C5orf22: variants seen among roughly 807,000 people sequenced by gnomAD.
C5orf22 encodes chromosome 5 open reading frame 22.
C5orf22 carries 36 observed loss-of-function variants against 48.7 expected under a neutral mutation model. The ratio of observed to expected loss-of-function variants is 0.74; its 90% CI spans 0.57 to 0.98. C5orf22 has a LOEUF of 0.98. Among genes scored for constraint, C5orf22 ranks in the 50% least tolerant of loss-of-function variants. C5orf22 has a pLI of 0.00. For synonymous variants in C5orf22, 141 were observed against 180.8 expected (o/e 0.78, Z 1.76); for missense variants, 486 against 521.9 (o/e 0.93, Z 0.67).
At chr5:31,543,401 CTACAAAAAAA>C (rs896427309) in intron 6 of C5orf22, among the ~76,000 whole-genome samples, 3 of 151,976 alleles carry the variant, frequency 2.0e-5, no homozygotes, top group East Asian at 1.9e-4. Context: ...AATCCTGTCT[CTACAAAAAAA>C]TACAAAAAAT....
chr5:31,534,180 G>A lies in C5orf22; in HGVS notation c.82-92G>A, dbSNP rs73747444. ...AGCAACATAGTATGCTTTCAATTATGTGCATTATTTAGCATTGTTTTTCAG... is the reference window on the plus strand; with the variant it reads ...AGCAACATAGTATGCTTTCAATTATATGCATTATTTAGCATTGTTTTTCAG... On this transcript the variant is annotated intron_variant, in intron 1 of 8. Coordinates refer to ENST00000325366, the MANE Select transcript of C5orf22 (RefSeq NM_018356.3). 1.5e-4 allele frequency: 165 copies of A among 1,085,180 alleles called. No homozygotes were observed. The African/African-American group carries it at 2.0e-3, about 13-fold the overall frequency. 67.2% of individuals were successfully genotyped at this position (1,085,180 alleles called of 1,614,324 possible).
rs372673202 is a variant in C5orf22 at position 31,535,728 on chromosome 5, T to C, written c.228-16T>C. 9.2e-5 allele frequency: 145 copies of C among 1,568,700 alleles called. No individual in the cohort carries two copies. The African/African-American group carries it at 1.8e-3, about 19-fold the overall frequency. On this transcript the variant is annotated splice_polypyrimidine_tract_variant and intron_variant, in intron 2 of 8. Transcript: ENST00000325366. ...AAAATAAAAGTTTTAATGTTGTCTC[T>C]ATGTTTCTTTTCCAGAGAATTAAGT...
At chr5:31,537,211 C>G (rs1742149836) in intron 3 of C5orf22, among the ~76,000 whole-genome samples, 1 of 152,170 alleles carries the variant, frequency 6.6e-6, no homozygotes, top group Non-Finnish European at 1.5e-5. Context: ...ACATTTGAAA[C>G]TCCACGTGTG....
Position 31,553,000 on chromosome 5 carries a change from A to G in C5orf22, c.*98A>G. 1 of 1,052,810 alleles carries G rather than the reference A, an allele frequency of 9.5e-7. No individual in the cohort carries two copies. Among genetic ancestry groups the G allele is most frequent in the Non-Finnish European group, 1.4e-6 (1 of 729,762 alleles). 65.2% of individuals were successfully genotyped at this position (1,052,810 alleles called of 1,614,324 possible). ...AGTCTTCCAGAGAACACTGTTTTAT[A>G]TTAACTTTCAGTTGAAATCTTTCAG... On this transcript the variant is annotated 3_prime_UTR_variant, in exon 9 of 9. Transcript: ENST00000325366.
intron 7 of C5orf22, among the ~76,000 whole-genome samples, chr5:31,546,456 A>G (rs112831789): frequency 0.031 from 4,717 of 152,282 alleles, 266 homozygotes; most frequent in African/African-American, 0.11. Context: ...GTTTGACTAA[A>G]GTTGAAGTAT....
chr5:31,540,323 C>T (rs571700822), intron 4 of C5orf22, among the ~76,000 whole-genome samples: 1 of 152,212 alleles, frequency 6.6e-6, no homozygotes, highest in African/African-American at 2.4e-5. Flanking sequence ...GCCAGGTGTA[C>T]CCACCTATAT....
chr5:31,537,709 A>AT (rs1445649559), intron 3 of C5orf22, among the ~76,000 whole-genome samples: 1 of 152,174 alleles, frequency 6.6e-6, no homozygotes, highest in Non-Finnish European at 1.5e-5. Context: ...TCCAGATGAA[A>AT]TTTTTCTCTT....
Position 31,538,395 on chromosome 5 carries a change from C to T in C5orf22, c.513C>T (p.Asn171=), listed in dbSNP as rs140357819. Residue 171 remains asparagine (N), a synonymous_variant, in exon 4 of 9, where the codon AAC becomes AAT. Transcript: ENST00000325366. ...AACTCTGTAACAATCAAGAAGAAAACGATGCAGTGTCTTCTGCTAAGAAAC... is the reference window on the plus strand; with the variant it reads ...AACTCTGTAACAATCAAGAAGAAAATGATGCAGTGTCTTCTGCTAAGAAAC... ...PYKLCNNQEE[N]DAVSSAKKPK... 12 of 1,613,954 alleles carry T rather than the reference C, an allele frequency of 7.4e-6. No homozygotes were observed. Among genetic ancestry groups the T allele is most frequent in the Admixed American group, 3.3e-5 (2 of 59,982 alleles).
rs16901275 is a variant in C5orf22, at chr5:31,552,724, G to A, written c.1200-49G>A. 3.0e-3 allele frequency: 4,668 copies of A among 1,558,090 alleles called. 130 individuals are homozygous for A. In the African/African-American group the frequency reaches 0.055, roughly 18 times the overall value. On this transcript the variant is annotated intron_variant, in intron 8 of 8. Transcript: ENST00000325366. Reference sequence around the variant, plus strand: ...CACATGCAGCTTTTCCTCACAGTATGATTTTATCCTATGTGTATTTTTCTT... The same window carrying A: ...CACATGCAGCTTTTCCTCACAGTATAATTTTATCCTATGTGTATTTTTCTT...
rs377752655 is a variant in C5orf22 at position 31,552,924 on chromosome 5, C to T, written c.*22C>T. 579 of 1,610,220 alleles carry T rather than the reference C, an allele frequency of 3.6e-4. 4 individuals carry two copies. The South Asian group carries it at 5.9e-3, about 16-fold the overall frequency. Reference sequence around the variant, plus strand: ...TTGAAACAAACAAAACATTAGGCTCCTGTTGTATCTTGGTTTAGTAACAGG... The same window carrying T: ...TTGAAACAAACAAAACATTAGGCTCTTGTTGTATCTTGGTTTAGTAACAGG... On this transcript the variant is annotated 3_prime_UTR_variant, in exon 9 of 9. Transcript: ENST00000325366.
intron 1 of C5orf22, among the ~76,000 whole-genome samples, chr5:31,533,263 T>TA (rs5867085): frequency 0.48 from 70,677 of 146,724 alleles, 16,914 homozygotes; most frequent in Non-Finnish European, 0.54. Context: ...CCATATTGCG[T>TA]AAAAAAAAAA....
rs1300533849 is a variant in C5orf22 at position 31,535,901 on chromosome 5, C to T, written c.377+8C>T. ...TTCTACCACAACAATCAGGTAATTT[C>T]CTCATATTTGTGAATATGGAAGTGA... On this transcript the variant is annotated splice_region_variant and intron_variant, in intron 3 of 8. Coordinates refer to ENST00000325366, the MANE Select transcript of C5orf22 (RefSeq NM_018356.3). 3 of 1,609,466 alleles carry T rather than the reference C, an allele frequency of 1.9e-6. No homozygotes were observed. The African/African-American group carries it at 4.0e-5, about 22-fold the overall frequency.
At chr5:31,535,123 G>A (rs1346804664) in intron 2 of C5orf22, 17 of 392,530 alleles carry the variant, frequency 4.3e-5, no homozygotes, top group South Asian at 1.8e-4. Context: ...TTGATAGTGC[G>A]CCAAAACTTG....
At chr5:31,549,877 A>C (rs951694329) in intron 7 of C5orf22, among the ~76,000 whole-genome samples, 2 of 152,236 alleles carry the variant, frequency 1.3e-5, no homozygotes, top group Non-Finnish European at 2.9e-5. Context: ...GTCAAATTTA[A>C]AAAGAGAAAG....
intron 6 of C5orf22, 98 bp downstream of exon 6, chr5:31,541,500 A>ACTACTTT: frequency 6.8e-6 from 9 of 1,333,326 alleles, no homozygotes; most frequent in Non-Finnish European, 9.4e-6. Flanking sequence ...AAAAAGTAGT[A>ACTACTTT]TTCAGCTACT....
At chr5:31,534,518 G>T in intron 2 of C5orf22, 101 bp downstream of exon 2, 1 of 1,093,428 alleles carries the variant, frequency 9.1e-7, no homozygotes, top group Middle Eastern at 2.3e-4. Flanking sequence ...TCATGGGTTT[G>T]GGGGTTTTTT....
At chr5:31,539,949 G>A (rs543985201) in intron 4 of C5orf22, among the ~76,000 whole-genome samples, 1 of 152,128 alleles carries the variant, frequency 6.6e-6, no homozygotes, top group Non-Finnish European at 1.5e-5. Flanking sequence ...TACTCAGGAG[G>A]CTGAGATGGG....
intron 2 of C5orf22, 56 bp from the exon 3 acceptor site, chr5:31,535,688 A>C (rs1453821886): frequency 7.2e-7 from 1 of 1,392,524 alleles, no homozygotes; most frequent in Non-Finnish European, 9.7e-7. Context: ...ATAAAATTAC[A>C]CTTGGGAAAA....
At position 31,554,344 on chromosome 5, in the gene C5orf22, A is replaced by T. The variant is rs1015805054; in HGVS notation, c.*1442A>T. ...TTTGTGCTAATAACGAAGGACACAC[A>T]TTATCATTGCCTCACAGTGGATGGC... On this transcript the variant is annotated 3_prime_UTR_variant, in exon 9 of 9. Coordinates refer to ENST00000325366, the MANE Select transcript of C5orf22 (RefSeq NM_018356.3). 13 of 152,196 alleles carry T rather than the reference A, an allele frequency of 8.5e-5. No homozygotes were observed. The highest frequency in any genetic ancestry group is 3.1e-4 in the African/African-American group (13 of 41,444). 9.4% of individuals were successfully genotyped at this position (152,196 alleles called of 1,614,324 possible).
Sources: allele counts gnomAD v4.1 joint callset (sites outside exome capture counted in the v4.1 genomes callset), GRCh38; gene constraint gnomAD v4.1.1; transcripts MANE v1.5; gene names NCBI Gene and HGNC (gene_info 2026-07-23, HGNC 2026-07-21).